The following FHIT variants were observed in gnomAD, a reference collection of about 807,000 sequenced individuals.
FHIT encodes the protein fragile histidine triad diadenosine triphosphatase, also known as bis(5'-adenosyl)-triphosphatase.
FHIT carries 19 observed loss-of-function variants against 17.9 expected under a neutral mutation model. The ratio of observed to expected loss-of-function variants is 1.06; its 90% CI spans 0.74 to 1.56. FHIT has a LOEUF of 1.56. Ranked by LOEUF, FHIT falls within the 40% of genes most tolerant of loss-of-function variation. The pLI is 0.00. For missense variants in FHIT, 248 were observed against 189.2 expected (o/e 1.31, Z -1.82); for synonymous variants, 81 against 69.7 (o/e 1.16, Z -0.81).
At chr3:60,724,971 C>A (rs191221045) in intron 4 of FHIT, among the ~76,000 whole-genome samples, 2 of 152,112 alleles carry the variant, frequency 1.3e-5, no homozygotes, top group African/African-American at 4.8e-5. Flanking sequence ...TTGCTAATAA[C>A]CGTCTTAGTG....
intron 7 of FHIT, among the ~76,000 whole-genome samples, chr3:59,960,133 T>C (rs114674779): frequency 2.6e-5 from 4 of 151,910 alleles, no homozygotes; most frequent in Non-Finnish European, 1.5e-5. Flanking sequence ...AGACAGTGGG[T>C]GGAAGAAAGG....
chr3:60,011,299 G>A lies in FHIT; in HGVS notation c.279+72C>T, dbSNP rs111379812. On this transcript the variant is annotated intron_variant, in intron 7 of 9. Transcript: ENST00000492590. ...AATGAAACAGCAATGTGCTGCATAT[G>A]ACTCGTTGTGATTTTTTATTAGTTC... is the stretch of plus-strand genomic sequence containing the variant. 1.3e-3 allele frequency: 1,875 copies of A among 1,400,004 alleles called. 17 individuals are homozygous for A. In the African/African-American group the frequency reaches 0.023, roughly 17 times the overall value. The allele number at this position is 1,400,004 out of a possible 1,614,324, so 86.7% of individuals were successfully genotyped here. A position where few individuals can be genotyped will look rare whatever the true frequency, so the allele number is the denominator to read the frequency against.
At chr3:59,770,566 C>T (rs1170604137) in intron 8 of FHIT, among the ~76,000 whole-genome samples, 1 of 152,200 alleles carries the variant, frequency 6.6e-6, no homozygotes, top group Non-Finnish European at 1.5e-5. Flanking sequence ...AACAGATTCT[C>T]CCTTAGAGCC....
In FHIT at chr3:59,873,140, G is replaced by T. The variant is rs1388794375; in HGVS notation, c.348+49206C>A. Among the ~76,000 whole-genome samples, 6 of 152,204 alleles carry T rather than the reference G, an allele frequency of 3.9e-5. No individual in the cohort carries two copies. In the East Asian group the frequency reaches 1.2e-3, roughly 29 times the overall value. On this transcript the variant is annotated intron_variant, in intron 8 of 9. Transcript: ENST00000492590. ...ACACTCCCTGTTTTACCTCTGGATA[G>T]TTACAGTGCCCCTCACTTGTTTCCT...
intron 7 of FHIT, among the ~76,000 whole-genome samples, chr3:59,984,911 G>A (rs1461088470): frequency 6.6e-6 from 1 of 152,074 alleles, no homozygotes; most frequent in East Asian, 1.9e-4. Context: ...AGTAGCAGCA[G>A]GGTCAGCAGT....
At chr3:59,982,696 A>C (rs1304608535) in intron 7 of FHIT, among the ~76,000 whole-genome samples, 2 of 152,168 alleles carry the variant, frequency 1.3e-5, no homozygotes, top group African/African-American at 2.4e-5. Flanking sequence ...CTAACTACAA[A>C]TGTGTTAACA....
chr3:60,669,765 C>T (rs1456369043), intron 4 of FHIT, among the ~76,000 whole-genome samples: 1 of 152,144 alleles, frequency 6.6e-6, no homozygotes, highest in Non-Finnish European at 1.5e-5. Flanking sequence ...GAATGTAAGA[C>T]CAGGCCCCTG....
At chr3:60,858,333 T>C (rs1033752086) in intron 3 of FHIT, among the ~76,000 whole-genome samples, 2 of 152,040 alleles carry the variant, frequency 1.3e-5, no homozygotes, top group African/African-American at 4.8e-5. Context: ...TGGCACAAAA[T>C]AGAGAACTCA....
At chr3:60,443,889 A>G (rs1470187816) in intron 5 of FHIT, among the ~76,000 whole-genome samples, 1 of 152,182 alleles carries the variant, frequency 6.6e-6, no homozygotes, top group African/African-American at 2.4e-5. Flanking sequence ...AGAAACTACC[A>G]TCAGAGTGAA....
chr3:60,575,143 T>C (rs1358537799), intron 4 of FHIT, among the ~76,000 whole-genome samples: 1 of 152,018 alleles, frequency 6.6e-6, no homozygotes, highest in Non-Finnish European at 1.5e-5. Context: ...CAGTAAGTAA[T>C]AAGGGTCAGA....
At chr3:60,775,981 T>C (rs556714621) in intron 4 of FHIT, among the ~76,000 whole-genome samples, 1 of 152,208 alleles carries the variant, frequency 6.6e-6, no homozygotes, top group Non-Finnish European at 1.5e-5. Flanking sequence ...ACTTTTAAAC[T>C]GTTTCTTTTC....
chr3:60,857,611 G>A (rs573988823), intron 3 of FHIT, among the ~76,000 whole-genome samples: 1 of 152,134 alleles, frequency 6.6e-6, no homozygotes, highest in African/African-American at 2.4e-5. Context: ...TTATTGTTCT[G>A]CCCATCAACA....
chr3:59,802,989 C>T (rs552073386), intron 8 of FHIT, among the ~76,000 whole-genome samples: 2 of 152,214 alleles, frequency 1.3e-5, no homozygotes, highest in South Asian at 4.1e-4. Flanking sequence ...TGACTGCATC[C>T]CCCTGAAGAC....
intron 3 of FHIT, among the ~76,000 whole-genome samples, chr3:61,006,078 TA>T (rs372842263): frequency 0.11 from 16,028 of 148,772 alleles, 901 homozygotes; most frequent in Admixed American, 0.14. Flanking sequence ...ACAAGGTTTT[TA>T]AAAAAAAAAA....
intron 4 of FHIT, among the ~76,000 whole-genome samples, chr3:60,663,446 T>G (rs2040309420): frequency 6.6e-6 from 1 of 152,102 alleles, no homozygotes; most frequent in Non-Finnish European, 1.5e-5. Flanking sequence ...TTTATTTATT[T>G]ATTTCTGAGA....
intron 5 of FHIT, among the ~76,000 whole-genome samples, chr3:60,431,525 G>T (rs1301818173): frequency 1.3e-5 from 2 of 152,002 alleles, no homozygotes; most frequent in Non-Finnish European, 2.9e-5. Flanking sequence ...ACTTGAAAGG[G>T]AACTAATGTT....
At chr3:60,949,224 C>G (rs1708770869) in intron 3 of FHIT, among the ~76,000 whole-genome samples, 1 of 152,116 alleles carries the variant, frequency 6.6e-6, no homozygotes, top group South Asian at 2.1e-4. Context: ...AATACCACAC[C>G]AATGGTGGCA....
At chr3:59,922,518 G>A in intron 7 of FHIT, 104 bp from the exon 8 acceptor site, 2 of 933,038 alleles carry the variant, frequency 2.1e-6, no homozygotes, top group East Asian at 2.5e-5. Flanking sequence ...GATGGTTCCT[G>A]CTGGGTTATT....
intron 5 of FHIT, among the ~76,000 whole-genome samples, chr3:60,484,053 A>G (rs1197372623): frequency 6.6e-6 from 1 of 152,150 alleles, no homozygotes; most frequent in African/African-American, 2.4e-5. Flanking sequence ...CAGAGAGCCA[A>G]ATCATGAATG....
Sources: allele counts gnomAD v4.1 joint callset (sites outside exome capture counted in the v4.1 genomes callset), GRCh38; gene constraint gnomAD v4.1.1; transcripts MANE v1.5; gene names NCBI Gene and HGNC (gene_info 2026-07-23, HGNC 2026-07-21).